BTK: variants seen among roughly 807,000 people sequenced by gnomAD.
BTK encodes the protein tyrosine-protein kinase BTK.
In BTK, 5 loss-of-function variants were observed where a neutral mutation model predicts 57.4. The observed-to-expected ratio is 0.09, with a 90% CI of 0.05 to 0.18. BTK has a LOEUF of 0.18. BTK is among the 10% of genes least tolerant of loss of function. The pLI is 1.00. For missense variants in BTK, 194 were observed against 501.2 expected (o/e 0.39, Z 5.85); for synonymous variants, 154 against 174.3 (o/e 0.88, Z 0.92).
intron 16 of BTK, 70 bp from the exon 17 acceptor site, chrX:101,354,058 G>A (rs1926385953): frequency 2.5e-6 from 2 of 784,532 alleles, no homozygotes; most frequent in East Asian, 3.2e-5. Context: ...TTCTTGGCAC[G>A]GTCACAAGAG....
intron 3 of BTK, among the ~76,000 whole-genome samples, chrX:101,372,764 G>A (rs1172527432): frequency 1.5e-4 from 16 of 107,181 alleles, no homozygotes; most frequent in African/African-American, 5.4e-4. Context: ...ATTTTTCTTG[G>A]CTGTCAAATT....
At chrX:101,355,538 T>C (rs1415715874) in intron 15 of BTK, 1 of 130,453 alleles carries the variant, frequency 7.7e-6, no homozygotes, top group African/African-American at 3.3e-5. Flanking sequence ...GTGGACCTGG[T>C]ATTTCCAGAC....
intron 5 of BTK, among the ~76,000 whole-genome samples, chrX:101,366,396 C>T (rs782604321): frequency 5.8e-4 from 65 of 112,141 alleles, no homozygotes; most frequent in African/African-American, 2.0e-3. Flanking sequence ...AGATCCAGCA[C>T]CTCATGCCTC....
intron 5 of BTK, among the ~76,000 whole-genome samples, chrX:101,365,471 C>G (rs1311540061): frequency 2.7e-5 from 3 of 111,870 alleles, no homozygotes; most frequent in Non-Finnish European, 5.6e-5. Context: ...TTGGCTAATC[C>G]AAAGCTGGTA....
intron 16 of BTK, chrX:101,354,306 G>T: frequency 2.4e-6 from 1 of 408,216 alleles, no homozygotes; most frequent in Non-Finnish European, 4.3e-6. Context: ...AGTTGTCACT[G>T]GGAATTAGAC....
intron 3 of BTK, among the ~76,000 whole-genome samples, chrX:101,372,900 C>T (rs1361758124): frequency 9.4e-6 from 1 of 106,578 alleles, no homozygotes; most frequent in Non-Finnish European, 1.9e-5. Flanking sequence ...CCTGACCAAT[C>T]TGGTGAAACC....
intron 18 of BTK, among the ~76,000 whole-genome samples, chrX:101,351,042 C>A (rs1245151021): frequency 8.9e-6 from 1 of 111,893 alleles, no homozygotes; most frequent in Non-Finnish European, 1.9e-5. Context: ...GTCACTCAGG[C>A]CAGAGTGCAG....
chrX:101,390,728 G>A, upstream of BTK: 1 of 458,739 alleles, frequency 2.2e-6, no homozygotes, highest in Non-Finnish European at 3.8e-6. Context: ...GAGGATCTGG[G>A]AAAAACACTG....
intron 1 of BTK, among the ~76,000 whole-genome samples, chrX:101,382,736 C>A (rs373759332): frequency 4.5e-5 from 5 of 111,902 alleles, no homozygotes; most frequent in African/African-American, 1.6e-4. Flanking sequence ...TCAATATTCT[C>A]CCTCTGCTCT....
At chrX:101,378,885 A>G (rs1325816979) in intron 1 of BTK, among the ~76,000 whole-genome samples, 1 of 111,441 alleles carries the variant, frequency 9.0e-6, no homozygotes, top group African/African-American at 3.3e-5. Context: ...ACTATTAAGA[A>G]TAATAAGTCC....
At chrX:101,362,725 A>G (rs781919787) in intron 5 of BTK, 36 bp from the exon 6 acceptor site, 3 of 1,210,192 alleles carry the variant, frequency 2.5e-6, no homozygotes, top group East Asian at 3.0e-5. Context: ...CACATCTGAC[A>G]TGGAGGAGAA....
At chrX:101,386,873 C>T (rs1482574599), upstream of BTK, among the ~76,000 whole-genome samples, 1 of 111,982 alleles carries the variant, frequency 8.9e-6, no homozygotes, top group Non-Finnish European at 1.9e-5. Context: ...TCTCTTGAGT[C>T]CTGTAAACCG....
At chrX:101,363,765 A>C (rs1350642495) in intron 5 of BTK, among the ~76,000 whole-genome samples, 1 of 108,914 alleles carries the variant, frequency 9.2e-6, no homozygotes. Context: ...AACTGAGAGA[A>C]GCAAAGACAA....
intron 6 of BTK, 118 bp downstream of exon 6, chrX:101,362,443 C>A (rs1247206975): frequency 2.7e-6 from 3 of 1,107,106 alleles, no homozygotes; most frequent in East Asian, 3.0e-5. Context: ...CCCCCAGGAC[C>A]CTTTGTTTAG....
At chrX:101,354,553 A>T in intron 16 of BTK, 77 bp downstream of exon 16, 1 of 1,023,301 alleles carries the variant, frequency 9.8e-7, no homozygotes, top group Non-Finnish European at 1.4e-6. Context: ...GGAGAGGATT[A>T]AAACTGTAAC....
At chrX:101,361,031 C>A (rs782472442) in intron 7 of BTK, among the ~76,000 whole-genome samples, 1 of 110,708 alleles carries the variant, frequency 9.0e-6, no homozygotes, top group Admixed American at 9.7e-5. Context: ...GCCTGGCCAA[C>A]GTGACGAAAC....
chrX:101,371,988 G>T (rs1404167491), intron 3 of BTK, among the ~76,000 whole-genome samples: 9 of 112,093 alleles, frequency 8.0e-5, no homozygotes. Flanking sequence ...GGGAGGAGAG[G>T]AGTTAGGTAG....
chrX:101,383,660 A>G (rs1438865154), intron 1 of BTK, among the ~76,000 whole-genome samples: 2 of 111,331 alleles, frequency 1.8e-5, no homozygotes, highest in East Asian at 5.6e-4. Context: ...AACAGACTAC[A>G]GTTTGTTTTC....
chrX:101,387,344 G>A (rs976988952), upstream of BTK, among the ~76,000 whole-genome samples: 4 of 97,809 alleles, frequency 4.1e-5, no homozygotes, highest in Non-Finnish European at 8.1e-5. Flanking sequence ...CAGGCCCTGG[G>A]ACCTTTTTTT....
Sources: allele counts gnomAD v4.1 joint callset (sites outside exome capture counted in the v4.1 genomes callset), GRCh38; gene constraint gnomAD v4.1.1; transcripts MANE v1.5; gene names NCBI Gene and HGNC (gene_info 2026-07-23, HGNC 2026-07-21).